The following THADA variants were observed in gnomAD, a reference collection of about 807,000 sequenced individuals.
The protein encoded by THADA is THADA armadillo repeat containing.
THADA carries 213 observed loss-of-function variants against 219.8 expected under a neutral mutation model. The ratio of observed to expected loss-of-function variants is 0.97; its 90% CI spans 0.87 to 1.09. THADA has a LOEUF of 1.09. Among genes scored for constraint, THADA ranks in the 50% least tolerant of loss-of-function variants. The pLI is 0.00. For synonymous variants in THADA, 1,018 were observed against 828.9 expected (o/e 1.23, Z -3.92); for missense variants, 2,956 against 2,311.3 (o/e 1.28, Z -5.72).
intron 26 of THADA, among the ~76,000 whole-genome samples, chr2:43,447,725 T>G (rs1016483397): frequency 2.6e-5 from 4 of 151,884 alleles, no homozygotes; most frequent in African/African-American, 9.7e-5. Context: ...TGAAATAACC[T>G]CCCATAGCCT....
At position 43,510,059 on chromosome 2, in the gene THADA, AAC is replaced by A. The variant is rs1690206089; in HGVS notation, c.3375-1281_3375-1280del. Among the ~76,000 whole-genome samples the A allele has an allele frequency of 2.0e-5, 3 of 152,346 alleles. 1 individual carries two copies. The South Asian group carries it at 6.2e-4, about 32-fold the overall frequency. On this transcript the variant is annotated intron_variant, in intron 22 of 37. Transcript: ENST00000405975. Reference sequence around the variant, plus strand: ...TCTTGATTTGAACAATGAAATGTAAAACAGACACTGTCAAGTAACAGAGGAAA... The same window carrying A: ...TCTTGATTTGAACAATGAAATGTAAAAGACACTGTCAAGTAACAGAGGAAA...
At chr2:43,458,235 C>A (rs547072856) in intron 26 of THADA, among the ~76,000 whole-genome samples, 3 of 152,238 alleles carry the variant, frequency 2.0e-5, no homozygotes, top group Admixed American at 6.5e-5. Context: ...GGACAGTCTG[C>A]GTCGTATGTT....
intron 8 of THADA, among the ~76,000 whole-genome samples, chr2:43,580,883 C>CA (rs545978795): frequency 2.1e-3 from 286 of 136,768 alleles, no homozygotes; most frequent in South Asian, 0.013. Context: ...CCATCTCAGA[C>CA]AAAAAAAAAA....
chr2:43,295,119 G>A (rs1675211287), intron 31 of THADA, among the ~76,000 whole-genome samples: 1 of 152,218 alleles, frequency 6.6e-6, no homozygotes, highest in African/African-American at 2.4e-5. Context: ...TCAGCTGGGT[G>A]GGGGATCACT....
chr2:43,328,502 A>G (rs749838568), intron 30 of THADA, among the ~76,000 whole-genome samples: 1 of 152,244 alleles, frequency 6.6e-6, no homozygotes, highest in Admixed American at 6.5e-5. Flanking sequence ...AAGTGAAGCC[A>G]TCCTCCATGC....
At chr2:43,573,666 T>G (rs1405714645) in intron 11 of THADA, among the ~76,000 whole-genome samples, 1 of 152,216 alleles carries the variant, frequency 6.6e-6, no homozygotes, top group East Asian at 1.9e-4. Flanking sequence ...TACTGAACGT[T>G]TTTAACAATT....
chr2:43,512,365 T>C (rs537779314), intron 22 of THADA, among the ~76,000 whole-genome samples: 1 of 152,304 alleles, frequency 6.6e-6, no homozygotes, highest in Admixed American at 6.5e-5. Context: ...TCTGCACCTC[T>C]CCCAGGCAAG....
chr2:43,538,495 T>C (rs1292363749), intron 21 of THADA: 4 of 152,244 alleles, frequency 2.6e-5, no homozygotes, highest in African/African-American at 9.6e-5. Flanking sequence ...GGAAGTGCTC[T>C]AGGGAATCAA....
intron 36 of THADA, among the ~76,000 whole-genome samples, chr2:43,239,647 T>C (rs1219817166): frequency 6.6e-6 from 1 of 152,258 alleles, no homozygotes; most frequent in African/African-American, 2.4e-5. Flanking sequence ...AGATGACTTC[T>C]AGACTAAGGC....
chr2:43,450,971 G>A (rs2104894440), intron 26 of THADA, among the ~76,000 whole-genome samples: 1 of 152,202 alleles, frequency 6.6e-6, no homozygotes, highest in East Asian at 1.9e-4. Context: ...AGTTATTAAG[G>A]AGTATAGAGT....
At chr2:43,513,940 G>C (rs978706476) in intron 22 of THADA, among the ~76,000 whole-genome samples, 32 of 151,734 alleles carry the variant, frequency 2.1e-4, no homozygotes, top group Middle Eastern at 3.4e-3. Context: ...CACATCTGTA[G>C]TCTCAGCAAC....
chr2:43,562,444 C>A (rs1471542887), intron 15 of THADA: 1 of 152,050 alleles, frequency 6.6e-6, no homozygotes, highest in Non-Finnish European at 1.5e-5. Flanking sequence ...CGGGGTTTCA[C>A]CATGTTGGCC....
intron 29 of THADA, among the ~76,000 whole-genome samples, chr2:43,397,521 C>T (rs1444445881): frequency 3.9e-5 from 6 of 151,988 alleles, no homozygotes; most frequent in African/African-American, 1.5e-4. Flanking sequence ...TTCAATACTT[C>T]CACGTACTAA....
intron 21 of THADA, 138 bp from the exon 22 acceptor site, chr2:43,528,126 C>CTTTTTTTT (rs367822642): frequency 1.3e-5 from 2 of 158,418 alleles, no homozygotes; most frequent in African/African-American, 4.4e-5. Context: ...ATGTTTTAAG[C>CTTTTTTTT]TTTTTTTTTT....
chr2:43,270,121 A>G (rs1480765990), intron 36 of THADA, among the ~76,000 whole-genome samples: 1 of 152,174 alleles, frequency 6.6e-6, no homozygotes, highest in Admixed American at 6.5e-5. Context: ...TTTCCTCTGT[A>G]TAAATCAAGG....
At chr2:43,271,109 T>A (rs1309392506) in intron 36 of THADA, among the ~76,000 whole-genome samples, 1 of 152,166 alleles carries the variant, frequency 6.6e-6, no homozygotes, top group African/African-American at 2.4e-5. Context: ...TGGGACCTGA[T>A]AAGCAACTGA....
intron 31 of THADA, among the ~76,000 whole-genome samples, chr2:43,303,961 G>A (rs916094924): frequency 6.6e-6 from 1 of 152,158 alleles, no homozygotes; most frequent in Non-Finnish European, 1.5e-5. Context: ...GGCAGGGACC[G>A]CACTTTCAAG....
chr2:43,487,526 G>A (rs1167956385), intron 25 of THADA, among the ~76,000 whole-genome samples: 1 of 152,102 alleles, frequency 6.6e-6, no homozygotes, highest in Admixed American at 6.5e-5. Flanking sequence ...ATATTAAGAT[G>A]GACCAGACAG....
chr2:43,508,176 A>C (rs1464746998), intron 23 of THADA, among the ~76,000 whole-genome samples: 1 of 152,062 alleles, frequency 6.6e-6, no homozygotes, highest in Non-Finnish European at 1.5e-5. Context: ...ACCACTAATA[A>C]ATGTCAGCTA....
Sources: allele counts gnomAD v4.1 joint callset (sites outside exome capture counted in the v4.1 genomes callset), GRCh38; gene constraint gnomAD v4.1.1; transcripts MANE v1.5; gene names NCBI Gene and HGNC (gene_info 2026-07-23, HGNC 2026-07-21).